MPRIP: variants seen among roughly 807,000 people sequenced by gnomAD.
MPRIP encodes myosin phosphatase Rho interacting protein.
In MPRIP, 59 loss-of-function variants were observed where a neutral mutation model predicts 234.9. The observed-to-expected ratio is 0.25, with a 90% CI of 0.20 to 0.31. The LOEUF is 0.31. Among genes scored for constraint, MPRIP ranks in the 10% least tolerant of loss-of-function variants. The pLI, the probability that MPRIP is intolerant of heterozygous loss-of-function variation, is 1.00. For missense variants in MPRIP, 2,436 were observed against 3,071.0 expected (o/e 0.79, Z 4.89); for synonymous variants, 1,144 against 1,263.9 (o/e 0.91, Z 2.01).
chr17:17,138,249 T>C lies in MPRIP; in HGVS notation c.1070T>C (p.Leu357Pro), dbSNP rs1024018057. 5.3e-6 allele frequency: 3 copies of C among 563,048 alleles called. No individual in the cohort carries two copies. Among genetic ancestry groups the C allele is most frequent in the Non-Finnish European group, 8.9e-6 (3 of 336,794 alleles). The allele number at this position is 563,048 out of a possible 1,614,324, so 34.9% of individuals were successfully genotyped here. Residue 357 changes from leucine (L) to proline (P), a missense_variant, in exon 7 of 24, where the codon CTG (leucine) becomes CCG (proline). Coordinates refer to ENST00000651222, the MANE Select transcript of MPRIP (RefSeq NM_001364716.4). This position sits in a 1 kb window ranked among gnomAD's most constrained non-coding sequence, Gnocchi z 5.8. ...ACTAGGGGGCGGGGGACAGAGAGAC[T>C]GGGGAGCGCCTTTGCCTTTAAAGCC... The part of the protein sequence containing the change: ...GSTRGRGTER[L>P]GSAFAFKASR...
chr17:17,142,595 G>C (rs370796447), intron 7 of MPRIP, 32 bp from the exon 8 acceptor site: 2 of 1,607,404 alleles, frequency 1.2e-6, no homozygotes, highest in African/African-American at 2.7e-5. Flanking sequence ...TCACCTCACT[G>C]CCACCTCAGG....
Position 17,172,638 on chromosome 17 carries a change from C to T in MPRIP, c.6473-60C>T, listed in dbSNP as rs954191317. Reference sequence around the variant, plus strand: ...CCCATTGTGTGGAGCTCCCCACCCCCACCCCTGTCAGCAGGAAGGGCGTGG... The same window carrying T: ...CCCATTGTGTGGAGCTCCCCACCCCTACCCCTGTCAGCAGGAAGGGCGTGG... On this transcript the variant is annotated intron_variant, in intron 17 of 23. Coordinates refer to ENST00000651222, the MANE Select transcript of MPRIP (RefSeq NM_001364716.4). 2.1e-5 allele frequency: 29 copies of T among 1,388,944 alleles called. No homozygotes were observed. In the African/African-American group the frequency reaches 3.9e-4, roughly 18 times the overall value. The allele number at this position is 1,388,944 out of a possible 1,614,324, so 86.0% of individuals were successfully genotyped here.
At chr17:17,055,659 C>G (rs1337566299) in intron 1 of MPRIP, among the ~76,000 whole-genome samples, 1 of 152,194 alleles carries the variant, frequency 6.6e-6, no homozygotes, top group African/African-American at 2.4e-5. Flanking sequence ...GTCACCTCGG[C>G]AGACAGCCCA....
At position 17,126,697 on chromosome 17, in the gene MPRIP, T is replaced by C; in HGVS notation, c.268-5T>C. 1 of 1,608,154 alleles carries C rather than the reference T, an allele frequency of 6.2e-7. No individual in the cohort carries two copies. The highest frequency in any genetic ancestry group is 8.5e-7 in the Non-Finnish European group (1 of 1,176,874). ...TCTGGGTGACTCTCTGCCGCCTTCT[T>C]CCAGCCCACGACCCTTCCTCAGGGC... On this transcript the variant is annotated splice_region_variant and splice_polypyrimidine_tract_variant and intron_variant, in intron 3 of 23. Coordinates refer to ENST00000651222, the MANE Select transcript of MPRIP (RefSeq NM_001364716.4).
At chr17:17,048,021 A>G (rs7225532) in intron 1 of MPRIP, among the ~76,000 whole-genome samples, 6,816 of 152,232 alleles carry the variant, frequency 0.045, 477 homozygotes, top group African/African-American at 0.14. Context: ...CAGGGTGCTC[A>G]GCTTCTACAT....
intron 1 of MPRIP, among the ~76,000 whole-genome samples, chr17:17,045,671 C>G (rs919267494): frequency 1.3e-5 from 2 of 152,146 alleles, no homozygotes; most frequent in African/African-American, 4.8e-5. Flanking sequence ...TTCCTCCTCA[C>G]GGAAATTTGG....
chr17:17,179,906 G>A, intron 22 of MPRIP, 97 bp from the exon 23 acceptor site: 3 of 986,846 alleles, frequency 3.0e-6, no homozygotes, highest in South Asian at 1.5e-5. Context: ...GTATGCTGCA[G>A]TAGGAAGCTT....
intron 1 of MPRIP, 70 bp downstream of exon 1, chr17:17,043,041 A>G (rs570402665): frequency 4.8e-6 from 7 of 1,445,524 alleles, no homozygotes; most frequent in Middle Eastern, 2.1e-4. Context: ...GGCGCCGCCA[A>G]GGGCTGCAGG....
In MPRIP at chr17:17,166,017, C is replaced by G; in HGVS notation, c.4426C>G (p.Leu1476Val). 3 of 1,304,154 alleles carry G rather than the reference C, an allele frequency of 2.3e-6. No individual in the cohort carries two copies. Among genetic ancestry groups the G allele is most frequent in the Non-Finnish European group, 3.0e-6 (3 of 988,888 alleles). The allele number at this position is 1,304,154 out of a possible 1,614,324, so 80.8% of individuals were successfully genotyped here. A position where few individuals can be genotyped will look rare whatever the true frequency, so the allele number is the denominator to read the frequency against. Residue 1476 changes from leucine (L) to valine (V), a missense_variant, in exon 16 of 24, where the codon CTG (leucine) becomes GTG (valine). Coordinates refer to ENST00000651222, the MANE Select transcript of MPRIP (RefSeq NM_001364716.4). This position sits in a 1 kb window ranked among gnomAD's most constrained non-coding sequence, Gnocchi z 4.4. ...CTTCCAGGTCAAGAATAGTCAGGCCCTGATGTGCCTGGAAAATTGCCGAGA... is the reference window on the plus strand; with the variant it reads ...CTTCCAGGTCAAGAATAGTCAGGCCGTGATGTGCCTGGAAAATTGCCGAGA... ...GDFQVKNSQA[L>V]MCLENCREQL...
intron 4 of MPRIP, among the ~76,000 whole-genome samples, chr17:17,131,148 G>A (rs11078373): frequency 0.13 from 19,793 of 152,132 alleles, 1,838 homozygotes; most frequent in East Asian, 0.3. Flanking sequence ...TGCAGGGACT[G>A]TGGGAGTTCA....
rs545383050 is a variant in MPRIP, at chr17:17,128,654, C to T, written c.419+1801C>T. 4.6e-5 allele frequency among the ~76,000 whole-genome samples: 7 copies of T among 152,324 alleles called. No homozygotes were observed. The East Asian group carries it at 1.3e-3, about 29-fold the overall frequency. ...TGCCTGACGCTCTTCCCCTTCCCCT[C>T]GCCCTGGTTGTGGGCCACGTTAGTT... On this transcript the variant is annotated intron_variant, in intron 4 of 23. Transcript: ENST00000651222.
chr17:17,114,885 TC>T (rs1448212765), intron 3 of MPRIP, among the ~76,000 whole-genome samples: 1 of 152,256 alleles, frequency 6.6e-6, no homozygotes, highest in Non-Finnish European at 1.5e-5. Flanking sequence ...AGGAGGAACT[TC>T]CTGGTCTTGG....
Position 17,042,464 on chromosome 17 carries a change from G to T in MPRIP, c.-385G>T, listed in dbSNP as rs1478544216. 6.9e-6 allele frequency: 1 copy of T among 145,956 alleles called. No individual in the cohort carries two copies. The highest frequency in any genetic ancestry group is 1.5e-5 in the Non-Finnish European group (1 of 65,666). 9.0% of individuals were successfully genotyped at this position (145,956 alleles called of 1,614,324 possible). A position where few individuals can be genotyped will look rare whatever the true frequency, so the allele number is the denominator to read the frequency against. ...GCCCGCCCGCCCGCCCCCGTAGTGC[G>T]TGAGGCGCTCCGGTCCCATTTGCAG... is the stretch of plus-strand genomic sequence containing the variant. On this transcript the variant is annotated 5_prime_UTR_variant, in exon 1 of 24. Coordinates refer to ENST00000651222, the MANE Select transcript of MPRIP (RefSeq NM_001364716.4).
chr17:17,062,496 G>A (rs2088897296), intron 1 of MPRIP, among the ~76,000 whole-genome samples: 1 of 152,244 alleles, frequency 6.6e-6, no homozygotes, highest in Admixed American at 6.5e-5. Flanking sequence ...CCCCTTGGGA[G>A]ATGTGTGTGC....
At chr17:17,134,026 C>A (rs2090647451) in intron 5 of MPRIP, among the ~76,000 whole-genome samples, 1 of 152,226 alleles carries the variant, frequency 6.6e-6, no homozygotes, top group Admixed American at 6.5e-5. Flanking sequence ...CCCAGCCCCC[C>A]AGGTTCTTCT....
At position 17,165,941 on chromosome 17, in the gene MPRIP, G is replaced by A; in HGVS notation, c.4350G>A (p.Glu1450=). ...CACTGGCCTCCCAGCTGGAGCAGGAGAGGCAGGAGAGGGCCAGGAGGGTTG... is the reference window on the plus strand; with the variant it reads ...CACTGGCCTCCCAGCTGGAGCAGGAAAGGCAGGAGAGGGCCAGGAGGGTTG... ...VGALASQLEQ[E]RQERARRVEG... Residue 1450 remains glutamate (E), a synonymous_variant, in exon 16 of 24, where the codon GAG becomes GAA. Coordinates refer to ENST00000651222, the MANE Select transcript of MPRIP (RefSeq NM_001364716.4). The A allele has an allele frequency of 4.6e-6, 6 of 1,304,314 alleles. No homozygotes were observed. Among genetic ancestry groups the A allele is most frequent in the Non-Finnish European group, 6.1e-6 (6 of 988,948 alleles). The allele number at this position is 1,304,314 out of a possible 1,614,324, so 80.8% of individuals were successfully genotyped here. A position where few individuals can be genotyped will look rare whatever the true frequency, so the allele number is the denominator to read the frequency against.
At position 17,138,312 on chromosome 17, in the gene MPRIP, C is replaced by A; in HGVS notation, c.1133C>A (p.Ala378Asp). ...QYATLADVPK[A>D]IRISHREAFQ... ...GCCACCCTGGCCGACGTCCCTAAGG[C>A]CATCAGGATCAGCCACCGAGAAGCC... Residue 378 changes from alanine to aspartate, a missense_variant, in exon 7 of 24, where the codon GCC becomes GAC. Transcript: ENST00000651222. This position sits in a 1 kb window ranked among gnomAD's most constrained non-coding sequence, Gnocchi z 5.8. 2.5e-6 allele frequency: 1 copy of A among 399,460 alleles called. No individual in the cohort carries two copies. The highest frequency in any genetic ancestry group is 4.4e-6 in the Non-Finnish European group (1 of 225,026). The allele number at this position is 399,460 out of a possible 1,614,324, so 24.7% of individuals were successfully genotyped here.
chr17:17,173,533 G>T (rs1374483267), intron 18 of MPRIP, among the ~76,000 whole-genome samples: 1 of 152,244 alleles, frequency 6.6e-6, no homozygotes, highest in East Asian at 1.9e-4. Flanking sequence ...CAGGAAGCTT[G>T]GGTTTTTGGG....
chr17:17,112,874 A>G (rs1425018943), intron 3 of MPRIP, among the ~76,000 whole-genome samples: 3 of 152,194 alleles, frequency 2.0e-5, no homozygotes, highest in Non-Finnish European at 4.4e-5. Flanking sequence ...GGGAGAGGCT[A>G]GGCATTTCTG....
Sources: allele counts gnomAD v4.1 joint callset (sites outside exome capture counted in the v4.1 genomes callset), GRCh38; gene constraint gnomAD v4.1.1; non-coding constraint Gnocchi (gnomAD v3.1); transcripts MANE v1.5; gene names NCBI Gene and HGNC (gene_info 2026-07-23, HGNC 2026-07-21).